Variants in PPP2R3A observed in about 807,000 individuals in gnomAD.
PPP2R3A encodes the protein protein phosphatase 2 regulatory subunit B''alpha.
PPP2R3A carries 80 observed loss-of-function variants against 106.9 expected under a neutral mutation model. That is an observed-to-expected ratio of 0.75 (90% CI 0.62 to 0.90). The LOEUF (loss-of-function observed/expected upper bound fraction) is 0.90. Among genes scored for constraint, PPP2R3A ranks in the 40% least tolerant of loss-of-function variants. PPP2R3A has a pLI of 0.00. For missense variants in PPP2R3A, 1,386 were observed against 1,350.4 expected, an observed-to-expected ratio of 1.03 and a Z score of -0.41; for synonymous variants, 483 against 468.3, an observed-to-expected ratio of 1.03 and a Z score of -0.41.
Position 136,082,257 on chromosome 3 carries a change from A to G in PPP2R3A, c.2632-8A>G. 6.4e-7 allele frequency: 1 copy of G among 1,566,480 alleles called. No individual in the cohort carries two copies. Among genetic ancestry groups the G allele is most frequent in the Non-Finnish European group, 8.8e-7 (1 of 1,139,382 alleles). On this transcript the variant is annotated splice_region_variant and splice_polypyrimidine_tract_variant and intron_variant, in intron 7 of 13. Coordinates refer to ENST00000264977, the MANE Select transcript of PPP2R3A (RefSeq NM_002718.5). Reference sequence around the variant, plus strand: ...AATGTTTAAATTCTTCTTTTCATATAATTTCAGACCCTAGCACTTTTGGAA... The same window carrying G: ...AATGTTTAAATTCTTCTTTTCATATGATTTCAGACCCTAGCACTTTTGGAA...
At chr3:136,083,504 T>C (rs1559910195) in intron 8 of PPP2R3A, among the ~76,000 whole-genome samples, 1 of 152,210 alleles carries the variant, frequency 6.6e-6, no homozygotes, top group Non-Finnish European at 1.5e-5. Context: ...TCCATTAAAC[T>C]CTTCCCATTA....
chr3:136,095,708 T>A (rs1937200689), intron 10 of PPP2R3A, among the ~76,000 whole-genome samples: 1 of 152,240 alleles, frequency 6.6e-6, no homozygotes, highest in South Asian at 2.1e-4. Context: ...TTAGGCCAAT[T>A]ATATAAGAAA....
At chr3:135,998,065 C>G (rs1322468197) in intron 1 of PPP2R3A, among the ~76,000 whole-genome samples, 2 of 152,196 alleles carry the variant, frequency 1.3e-5, no homozygotes, top group African/African-American at 4.8e-5. Context: ...CTGTGATTGG[C>G]TTTTGCTGCT....
At chr3:136,113,796 GAA>G (rs111452142) in intron 13 of PPP2R3A, among the ~76,000 whole-genome samples, 22 of 128,688 alleles carry the variant, frequency 1.7e-4, no homozygotes, top group Non-Finnish European at 2.5e-4. Context: ...CCCTGTGTCA[GAA>G]AAAAAAAAAA....
intron 13 of PPP2R3A, among the ~76,000 whole-genome samples, chr3:136,114,029 GA>G (rs1465168434): frequency 6.6e-6 from 1 of 152,194 alleles, no homozygotes; most frequent in Non-Finnish European, 1.5e-5. Context: ...GATCGACACA[GA>G]AGGCAGGTGA....
Position 136,049,168 on chromosome 3 carries a change from T to C in PPP2R3A, c.2367-91T>C, listed in dbSNP as rs541015982. On this transcript the variant is annotated intron_variant, in intron 4 of 13. Transcript: ENST00000264977. ...TACTTGATTGTTGATCTGAGTGGCC[T>C]TCAGATCAAACTGAAATTACTAACT... is the stretch of plus-strand genomic sequence containing the variant. 5.6e-4 allele frequency: 518 copies of C among 919,026 alleles called. 1 individual carries two copies. The African/African-American group carries it at 7.7e-3, about 14-fold the overall frequency. The allele number at this position is 919,026 out of a possible 1,614,324, so 56.9% of individuals were successfully genotyped here. A position where few individuals can be genotyped will look rare whatever the true frequency, so the allele number is the denominator to read the frequency against.
chr3:136,137,136 A>G (rs1222098757), intron 13 of PPP2R3A, among the ~76,000 whole-genome samples: 3 of 152,218 alleles, frequency 2.0e-5, no homozygotes, highest in East Asian at 3.8e-4. Context: ...GGTTTATGCA[A>G]TGGAGTACAT....
At position 136,078,406 on chromosome 3, in the gene PPP2R3A, A is replaced by G; in HGVS notation, c.2584A>G (p.Ser862Gly). ...RIFYTVNRSW[S>G]GKITSTEIRK... ...ATTCTACACAGTCAACAGATCTTGG[A>G]GTGGAAAAATTACTTCGACAGAGAT... Residue 862 changes from serine to glycine, a missense_variant, in exon 7 of 14, where the codon AGT (serine) becomes GGT (glycine). Coordinates refer to ENST00000264977, the MANE Select transcript of PPP2R3A (RefSeq NM_002718.5). 1 of 1,611,214 alleles carries G rather than the reference A, an allele frequency of 6.2e-7. No homozygotes were observed. Among genetic ancestry groups the G allele is most frequent in the Non-Finnish European group, 8.5e-7 (1 of 1,178,122 alleles).
chr3:136,013,339 A>G (rs931481624), intron 2 of PPP2R3A, among the ~76,000 whole-genome samples: 6 of 152,142 alleles, frequency 3.9e-5, no homozygotes, highest in African/African-American at 1.2e-4. Context: ...TCTTTTTCAT[A>G]TAATGACTTC....
intron 1 of PPP2R3A, among the ~76,000 whole-genome samples, chr3:135,980,353 C>T (rs1937525187): frequency 6.6e-6 from 1 of 151,362 alleles, no homozygotes; most frequent in Admixed American, 6.6e-5. Context: ...AACGAAATAT[C>T]TTGCTCAGTA....
intron 13 of PPP2R3A, among the ~76,000 whole-genome samples, chr3:136,118,744 T>A (rs1301213320): frequency 1.3e-5 from 2 of 152,134 alleles, no homozygotes; most frequent in Non-Finnish European, 2.9e-5. Flanking sequence ...TGGGAAAATA[T>A]TCCATGCCCA....
chr3:136,077,497 A>T (rs1576484470), intron 6 of PPP2R3A, among the ~76,000 whole-genome samples: 1 of 50,546 alleles, frequency 2.0e-5, no homozygotes, highest in Non-Finnish European at 4.1e-5. Context: ...AGCAGAATGC[A>T]CCCCCCCACC....
intron 8 of PPP2R3A, among the ~76,000 whole-genome samples, chr3:136,087,128 C>T (rs111886903): frequency 0.022 from 3,303 of 152,172 alleles, 140 homozygotes; most frequent in African/African-American, 0.074. Context: ...CACTTGAATC[C>T]GGGAGGCGGA....
chr3:136,076,864 G>A (rs914633718), intron 6 of PPP2R3A, among the ~76,000 whole-genome samples: 4 of 151,772 alleles, frequency 2.6e-5, no homozygotes, highest in Admixed American at 6.6e-5. Flanking sequence ...GGAGAATGGC[G>A]TGAACCCGGG....
chr3:135,996,716 A>G (rs1360289289), intron 1 of PPP2R3A, among the ~76,000 whole-genome samples: 2 of 152,144 alleles, frequency 1.3e-5, no homozygotes, highest in African/African-American at 2.4e-5. Context: ...CTCTACTTCT[A>G]CATCAGTCCT....
Position 136,103,358 on chromosome 3 carries a change from T to A in PPP2R3A, c.3204T>A (p.Asp1068Glu), listed in dbSNP as rs758410579. ...AATACTTAGACCATGAACAGAGAGA[T>A]CCCTTTGCGGTCCAGAAGGTAACAG... ...LEKYLDHEQR[D>E]PFAVQKDVEN... Residue 1068 changes from aspartate to glutamate, a missense_variant, in exon 12 of 14, where the codon GAT becomes GAA. By Grantham distance (45) the Asp-to-Glu change is conservative. Transcript: ENST00000264977. The A allele has an allele frequency of 1.3e-6, 2 of 1,599,530 alleles. No homozygotes were observed. The highest frequency in any genetic ancestry group is 1.7e-6 in the Non-Finnish European group (2 of 1,168,104).
rs1939136685 is a variant in PPP2R3A, at chr3:136,146,614, A to G, written c.*1448A>G. 1 of 152,208 alleles carries G rather than the reference A, an allele frequency of 6.6e-6. No homozygotes were observed. Among genetic ancestry groups the G allele is most frequent in the African/African-American group, 2.4e-5 (1 of 41,452 alleles). 9.4% of individuals were successfully genotyped at this position (152,208 alleles called of 1,614,324 possible). On this transcript the variant is annotated 3_prime_UTR_variant, in exon 14 of 14. Transcript: ENST00000264977. ...TGTCACAAGCTCCCAGTTCCCTGTC[A>G]TTTTATCTTCATGATTAGAACTGAT...
Position 136,013,157 on chromosome 3 carries a change from G to GGTGTGT in PPP2R3A, c.1995+9685_1995+9690dup, listed in dbSNP as rs773969022. Among the ~76,000 whole-genome samples, 449 of 139,758 alleles carry GGTGTGT rather than the reference G, an allele frequency of 3.2e-3. 3 individuals carry two copies. The highest frequency in any genetic ancestry group is 0.011 in the African/African-American group (393 of 35,240). 91.7% of individuals were successfully genotyped at this position (139,758 alleles called of 152,430 possible). ...TTTTTATGGCTGAATAGTATTCCAT[G>GGTGTGT]GTGTGTGTGTGTGTGTGTGTGTGTG... is the stretch of plus-strand genomic sequence containing the variant. On this transcript the variant is annotated intron_variant, in intron 2 of 13. Coordinates refer to ENST00000264977, the MANE Select transcript of PPP2R3A (RefSeq NM_002718.5).
chr3:136,059,476 A>G (rs1231985422), intron 5 of PPP2R3A, among the ~76,000 whole-genome samples: 1 of 152,218 alleles, frequency 6.6e-6, no homozygotes, highest in Non-Finnish European at 1.5e-5. Context: ...AAGTCAAAAG[A>G]TAAGATACCG....
Sources: gnomAD v4.1 joint callset for allele counts (sites outside exome capture counted in the v4.1 genomes callset) on GRCh38, gnomAD v4.1.1 for gene constraint, MANE v1.5 for transcripts, NCBI Gene and HGNC (gene_info 2026-07-23, HGNC 2026-07-21) for gene names.